CHIC1: variants seen among roughly 807,000 people sequenced by gnomAD.
CHIC1 encodes cysteine rich hydrophobic domain 1.
Under a neutral mutation model 18.5 loss-of-function variants are expected in CHIC1, and 7 were observed. The observed-to-expected ratio is 0.38, with a 90% confidence interval of 0.22 to 0.71. The LOEUF (loss-of-function observed/expected upper bound fraction) is 0.71, where lower values mean the gene tolerates loss of function less well. CHIC1 is among the 30% of genes least tolerant of loss of function. CHIC1 has a pLI of 0.49. For synonymous variants in CHIC1, 77 were observed against 73.5 expected (o/e 1.05, Z -0.25); for missense variants, 159 against 176.9 (o/e 0.90, Z 0.57).
intron 3 of CHIC1, among the ~76,000 whole-genome samples, chrX:73,677,603 G>A (rs376815673): frequency 8.9e-6 from 1 of 111,993 alleles, no homozygotes; most frequent in Non-Finnish European, 1.9e-5. Context: ...CAGTATTTGG[G>A]TGGGAGTGAC....
chrX:73,660,540 C>T (rs962482826), intron 3 of CHIC1, among the ~76,000 whole-genome samples: 1 of 112,033 alleles, frequency 8.9e-6, no homozygotes, highest in Non-Finnish European at 1.9e-5. Context: ...TAGCAAGGAA[C>T]AGATTATCTG....
intron 3 of CHIC1, among the ~76,000 whole-genome samples, chrX:73,628,839 G>A (rs950304081): frequency 4.5e-5 from 5 of 111,171 alleles, no homozygotes; most frequent in African/African-American, 9.8e-5. Flanking sequence ...GGGTGAGGAC[G>A]ATTGGTGGAG....
chrX:73,649,127 C>A (rs1278800280), intron 3 of CHIC1, among the ~76,000 whole-genome samples: 3 of 111,773 alleles, frequency 2.7e-5, no homozygotes, highest in Non-Finnish European at 3.8e-5. Context: ...GAAATAAAAT[C>A]TTTTCCAGAC....
At chrX:73,579,877 C>A (rs116796266) in intron 2 of CHIC1, among the ~76,000 whole-genome samples, 1,632 of 110,263 alleles carry the variant, frequency 0.015, 31 homozygotes, top group African/African-American at 0.051. Context: ...AGAAAGATGG[C>A]AAATTCATTA....
intron 3 of CHIC1, among the ~76,000 whole-genome samples, chrX:73,589,900 A>G (rs1218106624): frequency 9.0e-6 from 1 of 110,786 alleles, no homozygotes; most frequent in Non-Finnish European, 1.9e-5. Flanking sequence ...TTGTTTTGTA[A>G]TTTCTGCACT....
chrX:73,627,474 A>G (rs1045153811), intron 3 of CHIC1, among the ~76,000 whole-genome samples: 10 of 112,581 alleles, frequency 8.9e-5, no homozygotes, highest in African/African-American at 3.2e-4. Context: ...TTAGAAGCCT[A>G]CCTGGTGTTC....
rs557339699 is a variant in CHIC1, at chrX:73,677,171, C to T, written c.508-2155C>T. On this transcript the variant is annotated intron_variant, in intron 3 of 5. Transcript: ENST00000373502. Reference sequence around the variant, plus strand: ...GGGTGTGCCTCCCAGTTAGGCTACTCGGGGGTCAGGGACCCACTTGAGGAG... The same window carrying T: ...GGGTGTGCCTCCCAGTTAGGCTACTTGGGGGTCAGGGACCCACTTGAGGAG... Among the ~76,000 whole-genome samples the T allele has an allele frequency of 1.9e-4, 21 of 112,086 alleles. No individual in the cohort carries two copies. The South Asian group carries it at 7.5e-3, about 40-fold the overall frequency.
chrX:73,667,815 A>G (rs1013745807), intron 3 of CHIC1, among the ~76,000 whole-genome samples: 4 of 109,286 alleles, frequency 3.7e-5, no homozygotes, highest in Non-Finnish European at 7.6e-5. Context: ...TCTCATTTCA[A>G]CCTTGGAGAA....
At chrX:73,634,513 A>T (rs2147595714) in intron 3 of CHIC1, among the ~76,000 whole-genome samples, 1 of 112,177 alleles carries the variant, frequency 8.9e-6, no homozygotes, top group African/African-American at 3.2e-5. Context: ...GGCACCATCC[A>T]CAAGGTTGTA....
intron 3 of CHIC1, among the ~76,000 whole-genome samples, chrX:73,605,326 CT>C (rs1285972614): frequency 9.3e-6 from 1 of 107,671 alleles, no homozygotes; most frequent in African/African-American, 3.6e-5. Flanking sequence ...GCAACTCCTG[CT>C]TTTTTTGGCC....
chrX:73,623,025 A>T (rs1256388926), intron 3 of CHIC1, among the ~76,000 whole-genome samples: 1 of 111,743 alleles, frequency 8.9e-6, no homozygotes, highest in African/African-American at 3.3e-5. Context: ...CCTGAGTTTT[A>T]ATTTGATTGC....
intron 3 of CHIC1, among the ~76,000 whole-genome samples, chrX:73,606,216 C>A (rs2057683035): frequency 9.4e-6 from 1 of 106,668 alleles, no homozygotes; most frequent in Non-Finnish European, 1.9e-5. Flanking sequence ...TGTCTTCATG[C>A]TTTATTTCAT....
At chrX:73,673,487 G>A (rs150580535) in intron 3 of CHIC1, among the ~76,000 whole-genome samples, 2,413 of 111,415 alleles carry the variant, frequency 0.022, 71 homozygotes, top group African/African-American at 0.075. Flanking sequence ...TGGATTCCTA[G>A]GTATTTTATT....
intron 3 of CHIC1, among the ~76,000 whole-genome samples, chrX:73,662,348 A>G (rs1160797055): frequency 1.9e-5 from 2 of 107,583 alleles, no homozygotes; most frequent in East Asian, 5.8e-4. Flanking sequence ...AGTGAGCAAA[A>G]AAACCTGTTC....
chrX:73,638,696 TA>T (rs1160555465), intron 3 of CHIC1, among the ~76,000 whole-genome samples: 1 of 110,978 alleles, frequency 9.0e-6, no homozygotes, highest in African/African-American at 3.3e-5. Flanking sequence ...CTTCCTCAAG[TA>T]GGCCTCTGTG....
chrX:73,587,047 C>G (rs2057556276), intron 3 of CHIC1, among the ~76,000 whole-genome samples: 1 of 111,686 alleles, frequency 9.0e-6, no homozygotes, highest in Non-Finnish European at 1.9e-5. Context: ...CCAGATCTGG[C>G]CTATGGGCTG....
chrX:73,574,910 T>C (rs768676311), intron 1 of CHIC1, among the ~76,000 whole-genome samples: 5 of 109,833 alleles, frequency 4.6e-5, no homozygotes, highest in Admixed American at 9.7e-5. Context: ...GATTTTTGGG[T>C]CTCAGATTTT....
intron 3 of CHIC1, among the ~76,000 whole-genome samples, chrX:73,585,557 C>A (rs1371181185): frequency 1.8e-5 from 2 of 111,164 alleles, no homozygotes; most frequent in African/African-American, 6.5e-5. Context: ...GCATAAATTC[C>A]TTTTCTTAAT....
rs1569499023 is a variant in CHIC1 at position 73,563,455 on chromosome X, G to A, written c.171G>A (p.Glu57=). ...DEEEEEEEEE[E]EEEEEEEEEE... is the part of the protein sequence containing the mutation. The stretch of plus-strand genomic sequence containing the variant: ...AGGAAGAGGAGGAAGAGGAGGAGGA[G>A]GAAGAAGAGGAGGAGGAGGAAGAGG... Residue 57 remains glutamate (E), a synonymous_variant, in exon 1 of 6, where the codon GAG becomes GAA. Transcript: ENST00000373502. The A allele has an allele frequency of 8.6e-7, 1 of 1,163,607 alleles. No individual in the cohort carries two copies. Among genetic ancestry groups the A allele is most frequent in the Admixed American group, 2.6e-5 (1 of 38,846 alleles).
Sources: allele counts gnomAD v4.1 joint callset (sites outside exome capture counted in the v4.1 genomes callset), GRCh38; gene constraint gnomAD v4.1.1; transcripts MANE v1.5; gene names NCBI Gene and HGNC (gene_info 2026-07-23, HGNC 2026-07-21).